SGCZ: variants seen among roughly 807,000 people sequenced by gnomAD.
SGCZ encodes sarcoglycan zeta.
SGCZ carries 40 observed loss-of-function variants against 41.3 expected under a neutral mutation model. That is an observed-to-expected ratio of 0.97 (90% confidence interval 0.75 to 1.26). The LOEUF (loss-of-function observed/expected upper bound fraction) is 1.26, where lower values mean the gene tolerates loss of function less well. Ranked by LOEUF, SGCZ falls within the 50% of genes most tolerant of loss-of-function variation. The pLI, the probability that SGCZ is intolerant of heterozygous loss-of-function variation, is 0.00. For synonymous variants in SGCZ, 206 were observed against 137.5 expected (o/e 1.50, Z -3.49); for missense variants, 552 against 369.8 (o/e 1.49, Z -4.04).
chr8:14,735,662 T>C lies in SGCZ; in HGVS notation c.40-180736A>G, dbSNP rs189993514. ...TGGCCTATAGTGAGACTTCACCTTGTGATCCTGTGAGTCAATTCTCCTTAA... is the reference window on the plus strand; with the variant it reads ...TGGCCTATAGTGAGACTTCACCTTGCGATCCTGTGAGTCAATTCTCCTTAA... On this transcript the variant is annotated intron_variant, in intron 1 of 7. Coordinates refer to ENST00000382080, the MANE Select transcript of SGCZ (RefSeq NM_139167.4). 1.5e-3 allele frequency among the ~76,000 whole-genome samples: 230 copies of C among 152,294 alleles called. 2 individuals carry two copies. Among genetic ancestry groups the C allele is most frequent in the Middle Eastern group, 6.8e-3 (2 of 294 alleles).
chr8:15,181,914 T>C (rs1432108776), intron 1 of SGCZ, among the ~76,000 whole-genome samples: 1 of 152,184 alleles, frequency 6.6e-6, no homozygotes, highest in Non-Finnish European at 1.5e-5. Flanking sequence ...TCTAATGCTT[T>C]TAATTTTCAA....
chr8:14,560,214 T>A (rs556273592), intron 1 of SGCZ, among the ~76,000 whole-genome samples: 47 of 152,186 alleles, frequency 3.1e-4, no homozygotes, highest in Admixed American at 2.3e-3. Flanking sequence ...AGACTTGTAA[T>A]GTTCCCAACA....
chr8:14,486,280 T>C lies in SGCZ; in HGVS notation c.234+68452A>G, dbSNP rs960547019. Among the ~76,000 whole-genome samples the C allele has an allele frequency of 2.6e-5, 4 of 152,208 alleles. No homozygotes were observed. The South Asian group carries it at 8.3e-4, about 32-fold the overall frequency. On this transcript the variant is annotated intron_variant, in intron 2 of 7. Transcript: ENST00000382080. Reference sequence around the variant, plus strand: ...GTTGTAGTTCCTGTGGAACCAGATATAGAGGCCATATGTTGAGTATGCATG... The same window carrying C: ...GTTGTAGTTCCTGTGGAACCAGATACAGAGGCCATATGTTGAGTATGCATG...
intron 1 of SGCZ, among the ~76,000 whole-genome samples, chr8:15,116,623 C>A (rs1428363594): frequency 6.6e-6 from 1 of 152,094 alleles, no homozygotes; most frequent in East Asian, 1.9e-4. Context: ...AAGGGTATAT[C>A]CACAGGAAGT....
At chr8:14,718,461 A>T (rs10283305) in intron 1 of SGCZ, among the ~76,000 whole-genome samples, 9,178 of 152,134 alleles carry the variant, frequency 0.06, 798 homozygotes, top group African/African-American at 0.19. Context: ...AGAATAAAGG[A>T]ATATCAACTA....
chr8:14,374,108 T>C (rs1804015342), intron 2 of SGCZ, among the ~76,000 whole-genome samples: 1 of 152,216 alleles, frequency 6.6e-6, no homozygotes, highest in South Asian at 2.1e-4. Context: ...CTAGGTGCAA[T>C]GGCTCACACC....
At chr8:14,395,168 A>G (rs1026443737) in intron 2 of SGCZ, among the ~76,000 whole-genome samples, 2 of 152,228 alleles carry the variant, frequency 1.3e-5, no homozygotes, top group Admixed American at 1.3e-4. Flanking sequence ...TCTAGATAAT[A>G]TCTCTGACTT....
At chr8:14,575,632 C>A (rs1804682396) in intron 1 of SGCZ, among the ~76,000 whole-genome samples, 1 of 152,030 alleles carries the variant, frequency 6.6e-6, no homozygotes, top group Non-Finnish European at 1.5e-5. Context: ...GAGGGCCAGG[C>A]ACAGTGGTGT....
At chr8:15,186,957 A>T (rs1265196872) in intron 1 of SGCZ, among the ~76,000 whole-genome samples, 1 of 152,172 alleles carries the variant, frequency 6.6e-6, no homozygotes, top group Non-Finnish European at 1.5e-5. Context: ...TTTTCATGAT[A>T]TAATGTCAGT....
At chr8:14,222,612 A>C (rs1806237116) in intron 4 of SGCZ, among the ~76,000 whole-genome samples, 1 of 152,020 alleles carries the variant, frequency 6.6e-6, no homozygotes, top group South Asian at 2.1e-4. Context: ...AAACTCTTCT[A>C]ACAGATTTTT....
chr8:14,132,198 G>A (rs1803062674), intron 5 of SGCZ, among the ~76,000 whole-genome samples: 1 of 151,826 alleles, frequency 6.6e-6, no homozygotes, highest in Admixed American at 6.6e-5. Context: ...CTTAAAGTTT[G>A]CTATTTTTTT....
intron 1 of SGCZ, among the ~76,000 whole-genome samples, chr8:14,935,639 C>T (rs1164121250): frequency 6.6e-6 from 1 of 151,628 alleles, no homozygotes; most frequent in Non-Finnish European, 1.5e-5. Flanking sequence ...AAGTCAAAGG[C>T]AATTTATAGT....
chr8:14,263,324 G>A (rs553369436), intron 3 of SGCZ, among the ~76,000 whole-genome samples: 9 of 151,996 alleles, frequency 5.9e-5, no homozygotes, highest in African/African-American at 1.7e-4. Flanking sequence ...TGATTCAGGC[G>A]GATCACTTGA....
intron 1 of SGCZ, among the ~76,000 whole-genome samples, chr8:15,015,958 C>A (rs1053780612): frequency 6.6e-6 from 1 of 151,924 alleles, no homozygotes; most frequent in African/African-American, 2.4e-5. Context: ...CATGTATGGA[C>A]TAATACTATT....
intron 5 of SGCZ, among the ~76,000 whole-genome samples, chr8:14,112,283 T>TGGGG (rs796504633): frequency 4.4e-5 from 5 of 113,804 alleles, no homozygotes; most frequent in African/African-American, 1.6e-4. Flanking sequence ...TTTTTTTTTG[T>TGGGG]GGGGGGGGGG....
chr8:14,153,009 C>CG (rs59056781), intron 5 of SGCZ, among the ~76,000 whole-genome samples: 2 of 151,844 alleles, frequency 1.3e-5, no homozygotes, highest in African/African-American at 4.8e-5. Context: ...AAGTGATTGT[C>CG]GGGGGTTAAC....
Position 14,553,720 on chromosome 8 carries a change from T to G in SGCZ, c.234+1012A>C, listed in dbSNP as rs536425751. Among the ~76,000 whole-genome samples, 16 of 152,120 alleles carry G rather than the reference T, an allele frequency of 1.1e-4. No homozygotes were observed. In the East Asian group the frequency reaches 2.3e-3, roughly 22 times the overall value. On this transcript the variant is annotated intron_variant, in intron 2 of 7. Coordinates refer to ENST00000382080, the MANE Select transcript of SGCZ (RefSeq NM_139167.4). ...GTGTTTCCGAGTTAGAATTAAGAGT[T>G]AGTGAAGTCAGAAAGAGACGATTCT...
intron 2 of SGCZ, among the ~76,000 whole-genome samples, chr8:14,389,611 C>A (rs1804691720): frequency 6.6e-6 from 1 of 151,784 alleles, no homozygotes; most frequent in Admixed American, 6.6e-5. Flanking sequence ...TAGACAAAAG[C>A]TTAGAGAATT....
chr8:14,597,579 C>T (rs1348305675), intron 1 of SGCZ, among the ~76,000 whole-genome samples: 2 of 152,038 alleles, frequency 1.3e-5, no homozygotes, highest in African/African-American at 4.8e-5. Context: ...AGTGATACTC[C>T]CTTTCTCCCT....
Sources: allele counts gnomAD v4.1 joint callset (sites outside exome capture counted in the v4.1 genomes callset), GRCh38; gene constraint gnomAD v4.1.1; transcripts MANE v1.5; gene names NCBI Gene and HGNC (gene_info 2026-07-23, HGNC 2026-07-21).